ATG4C: variants seen among roughly 807,000 people sequenced by gnomAD.
ATG4C encodes autophagy related 4C cysteine peptidase, also known as cysteine protease ATG4C.
Under a neutral mutation model 57.6 loss-of-function variants are expected in ATG4C, and 56 were observed. The ratio of observed to expected loss-of-function variants is 0.97; its 90% CI spans 0.78 to 1.21. The LOEUF (loss-of-function observed/expected upper bound fraction) is 1.21. ATG4C is among the 50% of genes most tolerant of loss of function. The pLI, the probability that ATG4C is intolerant of heterozygous loss-of-function variation, is 0.00. For missense variants in ATG4C, 595 were observed against 529.8 expected (o/e 1.12, Z -1.21); for synonymous variants, 157 against 174.1 (o/e 0.90, Z 0.78).
chr1:62,803,910 CA>C, intron 2 of ATG4C, 48 bp downstream of exon 2: 1 of 1,147,832 alleles, frequency 8.7e-7, no homozygotes, highest in African/African-American at 1.6e-5. Context: ...AAATATTTGA[CA>C]ATATTTATCA....
intron 6 of ATG4C, among the ~76,000 whole-genome samples, chr1:62,824,670 T>TC (rs34578403): frequency 0.048 from 1,088 of 22,508 alleles, 25 homozygotes; most frequent in African/African-American, 0.2. Context: ...TCTCTCTCTC[T>TC]TTTTTTTTTT....
intron 8 of ATG4C, among the ~76,000 whole-genome samples, 184 bp downstream of exon 8, chr1:62,834,300 T>A (rs1572148586): frequency 6.6e-6 from 1 of 152,212 alleles, no homozygotes; most frequent in East Asian, 1.9e-4. Flanking sequence ...GTAAAATATA[T>A]GTTTAATTTC....
intron 10 of ATG4C, among the ~76,000 whole-genome samples, chr1:62,845,371 T>C (rs562980200): frequency 1.3e-5 from 2 of 152,282 alleles, no homozygotes; most frequent in African/African-American, 2.4e-5. Flanking sequence ...TCAAAGTTTA[T>C]TGGCCCATTT....
At chr1:62,817,445 A>G (rs1665316689) in intron 4 of ATG4C, among the ~76,000 whole-genome samples, 2 of 152,102 alleles carry the variant, frequency 1.3e-5, no homozygotes, top group Non-Finnish European at 2.9e-5. Flanking sequence ...TCCTGTGCTC[A>G]AGCTATTCTC....
chr1:62,802,154 A>G lies in ATG4C; in HGVS notation c.-68-1565A>G, dbSNP rs547163153. Among the ~76,000 whole-genome samples the G allele has an allele frequency of 4.6e-5, 7 of 152,006 alleles. No homozygotes were observed. The South Asian group carries it at 1.5e-3, about 32-fold the overall frequency. On this transcript the variant is annotated intron_variant, in intron 1 of 10. Coordinates refer to ENST00000317868, the MANE Select transcript of ATG4C (RefSeq NM_032852.4). Reference sequence around the variant, plus strand: ...TAGTTTCACACACCAAAGCCTGGGTATATCTTTGGCATATCCCTGTTCTTT... The same window carrying G: ...TAGTTTCACACACCAAAGCCTGGGTGTATCTTTGGCATATCCCTGTTCTTT...
At chr1:62,833,671 G>A (rs549158671) in intron 7 of ATG4C, among the ~76,000 whole-genome samples, 39 of 152,174 alleles carry the variant, frequency 2.6e-4, no homozygotes, top group African/African-American at 8.7e-4. Flanking sequence ...AAAGCCTGAC[G>A]AAAATTTTAC....
intron 9 of ATG4C, among the ~76,000 whole-genome samples, chr1:62,838,500 A>G (rs894711502): frequency 6.6e-6 from 1 of 152,220 alleles, no homozygotes; most frequent in African/African-American, 2.4e-5. Context: ...ATGAATGGCC[A>G]GGCATGATGG....
rs1000742970 is a variant in ATG4C, at chr1:62,847,243, A to G, written c.1209+5696A>G. 8.5e-5 allele frequency among the ~76,000 whole-genome samples: 13 copies of G among 152,182 alleles called. No individual in the cohort carries two copies. In the South Asian group the frequency reaches 2.3e-3, roughly 27 times the overall value. On this transcript the variant is annotated intron_variant, in intron 10 of 10. Transcript: ENST00000317868. ...TGAGAATAAATAAAAAACAGAAACC[A>G]TAAGTCGAAGCACTGACATATCCTA...
At chr1:62,850,854 G>GTGTATATATATA (rs1402010901) in intron 10 of ATG4C, among the ~76,000 whole-genome samples, 1 of 84,120 alleles carries the variant, frequency 1.2e-5, no homozygotes, top group Non-Finnish European at 2.6e-5. Context: ...GTGTATGTAT[G>GTGTATATATATA]TATATATATA....
At chr1:62,812,121 C>G (rs61314361) in intron 3 of ATG4C, among the ~76,000 whole-genome samples, 5,904 of 151,938 alleles carry the variant, frequency 0.039, 392 homozygotes, top group African/African-American at 0.14. Flanking sequence ...GGTCTGAAGT[C>G]GATTTTGTCT....
intron 6 of ATG4C, among the ~76,000 whole-genome samples, chr1:62,825,234 TAAAAAAA>T (rs71045856): frequency 3.9e-5 from 5 of 127,016 alleles, no homozygotes; most frequent in Non-Finnish European, 5.0e-5. Flanking sequence ...AGACTCCGTC[TAAAAAAA>T]AAAAAAAAAA....
At chr1:62,813,533 G>A (rs1665161670) in intron 3 of ATG4C, among the ~76,000 whole-genome samples, 1 of 152,164 alleles carries the variant, frequency 6.6e-6, no homozygotes, top group African/African-American at 2.4e-5. Context: ...CAGGACATAG[G>A]CATGGGCAAG....
chr1:62,849,405 C>A (rs151202290), intron 10 of ATG4C, among the ~76,000 whole-genome samples: 19 of 152,166 alleles, frequency 1.2e-4, no homozygotes, highest in Admixed American at 1.1e-3. Context: ...TCTCTGGCTT[C>A]TTTAATTTCT....
At position 62,797,822 on chromosome 1, in the gene ATG4C, C is replaced by T. The variant is rs1664523652; in HGVS notation, c.-68-5897C>T. Among the ~76,000 whole-genome samples, 3 of 151,890 alleles carry T rather than the reference C, an allele frequency of 2.0e-5. No homozygotes were observed. The South Asian group carries it at 6.2e-4, about 32-fold the overall frequency. On this transcript the variant is annotated intron_variant, in intron 1 of 10. Coordinates refer to ENST00000317868, the MANE Select transcript of ATG4C (RefSeq NM_032852.4). ...TTTGTATATACCATGCTTAGAAAAA[C>T]CTTTTCTTTTTTTTTGAGATAGAAT...
intron 9 of ATG4C, among the ~76,000 whole-genome samples, chr1:62,838,727 C>G (rs1666075540): frequency 6.7e-6 from 1 of 149,794 alleles, no homozygotes; most frequent in Non-Finnish European, 1.5e-5. Context: ...TTGCAGTGAG[C>G]AGAGATCGCA....
At chr1:62,791,129 C>G (rs950496054) in intron 1 of ATG4C, among the ~76,000 whole-genome samples, 1 of 152,136 alleles carries the variant, frequency 6.6e-6, no homozygotes. Flanking sequence ...AGTTATGATA[C>G]TTTATATCTC....
In ATG4C at chr1:62,820,694, G is replaced by A. The variant is rs183968198; in HGVS notation, c.726-445G>A. Among the ~76,000 whole-genome samples, 498 of 152,026 alleles carry A rather than the reference G, an allele frequency of 3.3e-3. 1 individual carries two copies. The highest frequency in any genetic ancestry group is 0.011 in the African/African-American group (472 of 41,526). ...GTTCAGGTCATATAGGTTTTTGAATGAAGGAAAAAAGTCATGCTGTTGTTT... is the reference window on the plus strand; with the variant it reads ...GTTCAGGTCATATAGGTTTTTGAATAAAGGAAAAAAGTCATGCTGTTGTTT... On this transcript the variant is annotated intron_variant, in intron 5 of 10. Coordinates refer to ENST00000317868, the MANE Select transcript of ATG4C (RefSeq NM_032852.4).
intron 5 of ATG4C, among the ~76,000 whole-genome samples, chr1:62,819,716 A>G (rs1267354094): frequency 6.6e-6 from 1 of 151,982 alleles, no homozygotes; most frequent in African/African-American, 2.4e-5. Flanking sequence ...TAGTGTAATG[A>G]AATGTCAAGA....
chr1:62,785,343 T>C (rs1243105029), intron 1 of ATG4C: 1 of 152,252 alleles, frequency 6.6e-6, no homozygotes, highest in Admixed American at 6.5e-5. Flanking sequence ...TCCAATAATC[T>C]GAGGCTATAT....
Sources: allele counts gnomAD v4.1 joint callset (sites outside exome capture counted in the v4.1 genomes callset), GRCh38; gene constraint gnomAD v4.1.1; transcripts MANE v1.5; gene names NCBI Gene and HGNC (gene_info 2026-07-23, HGNC 2026-07-21).